The following DPP10 variants were observed in gnomAD, a reference collection of about 807,000 sequenced individuals.
The protein encoded by DPP10 is inactive dipeptidyl peptidase 10.
DPP10 carries 33 observed loss-of-function variants against 120.9 expected under a neutral mutation model. The observed-to-expected ratio is 0.27, with a 90% CI of 0.21 to 0.37. The LOEUF is 0.37. Among genes scored for constraint, DPP10 ranks in the 10% least tolerant of loss-of-function variants. The pLI is 1.00. For synonymous variants in DPP10, 337 were observed against 326.1 expected (o/e 1.03, Z -0.36); for missense variants, 816 against 942.8 (o/e 0.87, Z 1.76).
Position 115,424,171 on chromosome 2 carries a change from A to T in DPP10, c.272-75339A>T, listed in dbSNP as rs145241029. Among the ~76,000 whole-genome samples, 611 of 152,272 alleles carry T rather than the reference A, an allele frequency of 4.0e-3. 3 individuals carry two copies. The highest frequency in any genetic ancestry group is 0.014 in the African/African-American group (566 of 41,570). On this transcript the variant is annotated intron_variant, in intron 3 of 25. Coordinates refer to ENST00000410059, the MANE Select transcript of DPP10 (RefSeq NM_020868.6). ...AAGACAACCAAAAGAGTCAGCATCCAGTATTGTTAAAAACAGTTCCAAGTG... is the reference window on the plus strand; with the variant it reads ...AAGACAACCAAAAGAGTCAGCATCCTGTATTGTTAAAAACAGTTCCAAGTG...
At chr2:114,972,938 C>T (rs1204577131) in intron 1 of DPP10, among the ~76,000 whole-genome samples, 1 of 152,184 alleles carries the variant, frequency 6.6e-6, no homozygotes, top group African/African-American at 2.4e-5. Flanking sequence ...TCAACGATAG[C>T]CTCTGTCCAG....
chr2:115,475,784 AAAG>A (rs2075039238), intron 3 of DPP10, among the ~76,000 whole-genome samples: 1 of 152,184 alleles, frequency 6.6e-6, no homozygotes, highest in Admixed American at 6.5e-5. Context: ...ACATGGAATC[AAAG>A]AAGATTATTT....
intron 1 of DPP10, among the ~76,000 whole-genome samples, chr2:114,804,294 G>T (rs571853642): frequency 6.6e-6 from 1 of 152,328 alleles, no homozygotes; most frequent in South Asian, 2.1e-4. Flanking sequence ...CCCTTAAGGA[G>T]AACCTCTGCT....
At chr2:115,347,803 G>T (rs890419889) in intron 3 of DPP10, among the ~76,000 whole-genome samples, 1 of 152,096 alleles carries the variant, frequency 6.6e-6, no homozygotes, top group African/African-American at 2.4e-5. Flanking sequence ...CCCTGCAAAG[G>T]ACATGAACTC....
chr2:115,566,853 A>G (rs2081038483), intron 5 of DPP10, among the ~76,000 whole-genome samples: 1 of 152,152 alleles, frequency 6.6e-6, no homozygotes, highest in African/African-American at 2.4e-5. Context: ...AATTCATAGG[A>G]TATTCCCATT....
chr2:115,624,636 C>G (rs889428320), intron 5 of DPP10, among the ~76,000 whole-genome samples: 1 of 152,166 alleles, frequency 6.6e-6, no homozygotes, highest in Non-Finnish European at 1.5e-5. Context: ...GCTGTATAAT[C>G]AATGGAGTTA....
chr2:114,940,557 A>G (rs1696818872), intron 1 of DPP10, among the ~76,000 whole-genome samples: 1 of 121,694 alleles, frequency 8.2e-6, no homozygotes, highest in South Asian at 2.4e-4. Flanking sequence ...ACCACTCAGC[A>G]AAAAAAAAAA....
intron 19 of DPP10, among the ~76,000 whole-genome samples, chr2:115,800,715 T>C (rs758876748): frequency 5.3e-4 from 80 of 152,318 alleles, no homozygotes; most frequent in Middle Eastern, 6.8e-3. Context: ...TTGCTTGTTT[T>C]TGTCAGGTTT....
intron 1 of DPP10, among the ~76,000 whole-genome samples, chr2:114,833,138 G>T (rs1319890636): frequency 6.6e-6 from 1 of 151,680 alleles, no homozygotes; most frequent in Admixed American, 6.6e-5. Context: ...ATTTTCATTT[G>T]GCATAATTTT....
intron 1 of DPP10, among the ~76,000 whole-genome samples, chr2:114,897,296 G>A (rs1273455090): frequency 6.6e-6 from 1 of 152,148 alleles, no homozygotes; most frequent in Non-Finnish European, 1.5e-5. Flanking sequence ...TATTGGAATA[G>A]TTTCAGAAAG....
At chr2:114,518,309 C>A (rs1280664540) in intron 1 of DPP10, among the ~76,000 whole-genome samples, 1 of 152,024 alleles carries the variant, frequency 6.6e-6, no homozygotes, top group Admixed American at 6.5e-5. Context: ...AACTCCCGGC[C>A]TCAGGTAGTC....
At chr2:114,897,522 C>T (rs997940327) in intron 1 of DPP10, among the ~76,000 whole-genome samples, 4 of 152,260 alleles carry the variant, frequency 2.6e-5, no homozygotes, top group African/African-American at 9.6e-5. Context: ...TAAAGAGCTT[C>T]TCCACAGCAA....
intron 1 of DPP10, among the ~76,000 whole-genome samples, chr2:114,748,350 TA>T (rs147677456): frequency 0.063 from 7,569 of 119,224 alleles, 710 homozygotes; most frequent in Non-Finnish European, 0.07. Flanking sequence ...TTTTTTTTTT[TA>T]TTTTTTTTTA....
At chr2:115,246,921 A>G (rs1414184985) in intron 1 of DPP10, among the ~76,000 whole-genome samples, 1 of 152,132 alleles carries the variant, frequency 6.6e-6, no homozygotes, top group Non-Finnish European at 1.5e-5. Flanking sequence ...GTGAGGGTGT[A>G]TTTGCCTAGA....
intron 5 of DPP10, among the ~76,000 whole-genome samples, chr2:115,607,834 A>G (rs1265227039): frequency 2.0e-5 from 3 of 152,200 alleles, no homozygotes; most frequent in Non-Finnish European, 4.4e-5. Context: ...AACGACATAC[A>G]TTATATCCCA....
intron 5 of DPP10, among the ~76,000 whole-genome samples, chr2:115,667,473 T>G (rs907143217): frequency 2.6e-5 from 4 of 152,146 alleles, no homozygotes; most frequent in African/African-American, 9.7e-5. Flanking sequence ...TTTTATAGTT[T>G]CAGGGTTTTC....
chr2:114,459,564 G>A (rs1421609337), intron 1 of DPP10, among the ~76,000 whole-genome samples: 1 of 152,100 alleles, frequency 6.6e-6, no homozygotes, highest in Non-Finnish European at 1.5e-5. Flanking sequence ...AAAGCTGATG[G>A]GGTCAGTTTG....
intron 3 of DPP10, among the ~76,000 whole-genome samples, chr2:115,387,350 A>G (rs1291551089): frequency 6.6e-6 from 1 of 152,142 alleles, no homozygotes; most frequent in Non-Finnish European, 1.5e-5. Context: ...ACTTATTTTT[A>G]GTTTTAGTTT....
At chr2:115,670,579 A>G (rs2089796243) in intron 5 of DPP10, among the ~76,000 whole-genome samples, 1 of 152,100 alleles carries the variant, frequency 6.6e-6, no homozygotes, top group African/African-American at 2.4e-5. Context: ...AAATGTGACT[A>G]CGTTTAGAAT....
Sources: gnomAD v4.1 joint callset for allele counts (sites outside exome capture counted in the v4.1 genomes callset) on GRCh38, gnomAD v4.1.1 for gene constraint, MANE v1.5 for transcripts, NCBI Gene and HGNC (gene_info 2026-07-23, HGNC 2026-07-21) for gene names.